NOA1: variants seen among roughly 807,000 people sequenced by gnomAD.
NOA1 encodes the protein nitric oxide-associated protein 1.
NOA1 carries 35 observed loss-of-function variants against 58.4 expected under a neutral mutation model. That is an observed-to-expected ratio of 0.60 (90% CI 0.46 to 0.79). NOA1 has a LOEUF of 0.79. Ranked by LOEUF, NOA1 falls within the 30% of genes least tolerant of loss-of-function variation. The pLI is 0.00. For synonymous variants in NOA1, 397 were observed against 373.4 expected (o/e 1.06, Z -0.73); for missense variants, 895 against 894.6 (o/e 1.00, Z -0.01).
rs1300943634 is a variant in NOA1 at position 56,971,341 on chromosome 4, A to T, written c.1515+1807T>A. On this transcript the variant is annotated intron_variant, in intron 3 of 6. Coordinates refer to ENST00000264230, the MANE Select transcript of NOA1 (RefSeq NM_032313.4). ...AAAAAAAAAAAAAAAAAAAAAAAAA[A>T]GTATGGTGGGGGAAGAATTAGTTCA... Among the ~76,000 whole-genome samples, 13 of 142,842 alleles carry T rather than the reference A, an allele frequency of 9.1e-5. No individual in the cohort carries two copies. In the East Asian group the frequency reaches 2.3e-3, roughly 25 times the overall value. The allele number at this position is 142,842 out of a possible 152,430, so 93.7% of individuals were successfully genotyped here. A position where few individuals can be genotyped will look rare whatever the true frequency, so the allele number is the denominator to read the frequency against.
At chr4:56,968,356 A>C (rs375465114) in intron 4 of NOA1, 28 bp downstream of exon 4, 35 of 1,594,468 alleles carry the variant, frequency 2.2e-5, no homozygotes, top group Non-Finnish European at 2.9e-5. Context: ...TTTTAAAATC[A>C]TTTTTTAATA....
At chr4:56,967,960 C>T (rs1451157222) in intron 4 of NOA1, among the ~76,000 whole-genome samples, 1 of 151,328 alleles carries the variant, frequency 6.6e-6, no homozygotes, top group Admixed American at 6.6e-5. Context: ...CCCCATCACC[C>T]AGGCTGGAGT....
At chr4:56,964,595 A>G in intron 5 of NOA1, 69 bp from the exon 6 acceptor site, 1 of 1,499,044 alleles carries the variant, frequency 6.7e-7, no homozygotes, top group South Asian at 1.2e-5. Context: ...TAAGCAAATC[A>G]CTGATAAGAT....
intron 3 of NOA1, among the ~76,000 whole-genome samples, chr4:56,971,315 CAAAAAAAAAAAA>C (rs35120609): frequency 3.8e-5 from 2 of 53,270 alleles, no homozygotes; most frequent in South Asian, 9.2e-4. Context: ...GACTCCATCT[CAAAAAAAAAAAA>C]AAAAAAAAAA....
chr4:56,970,239 T>C (rs1243126556), intron 3 of NOA1, among the ~76,000 whole-genome samples: 1 of 151,806 alleles, frequency 6.6e-6, no homozygotes, highest in Admixed American at 6.6e-5. Flanking sequence ...GAAGTTACAG[T>C]GGGCCAAGAT....
At chr4:56,967,108 G>A (rs746329512) in intron 4 of NOA1, among the ~76,000 whole-genome samples, 4 of 152,128 alleles carry the variant, frequency 2.6e-5, no homozygotes, top group African/African-American at 4.8e-5. Context: ...CAAGCCTGGT[G>A]TGGTGGCTCA....
intron 3 of NOA1, among the ~76,000 whole-genome samples, chr4:56,972,541 T>C (rs1107675): frequency 0.16 from 23,816 of 152,050 alleles, 2,160 homozygotes; most frequent in Admixed American, 0.25. Context: ...CTCAGTACAC[T>C]CAATACAAAG....
At position 56,964,413 on chromosome 4, in the gene NOA1, G is replaced by A; in HGVS notation, c.1878C>T (p.Ser626=). 1 of 1,613,982 alleles carries A rather than the reference G, an allele frequency of 6.2e-7. No individual in the cohort carries two copies. Residue 626 remains serine, a synonymous_variant, in exon 6 of 7, where the codon TCC becomes TCT. Transcript: ENST00000264230. ...TGCTTGGCATAAAATTACCTGCAGA[G>A]GAAAACTTGATGTCGGCCACTGCTT... ...ASEAVADIKF[S]SAGWVSVTPN... is the part of the protein sequence containing the mutation.
In NOA1 at chr4:56,964,387, G is replaced by C. The variant is rs1436821682; in HGVS notation, c.1885+19C>G. The C allele has an allele frequency of 6.2e-7, 1 of 1,613,684 alleles. No homozygotes were observed. Among genetic ancestry groups the C allele is most frequent in the Non-Finnish European group, 8.5e-7 (1 of 1,179,822 alleles). On this transcript the variant is annotated intron_variant, in intron 6 of 6. Coordinates refer to ENST00000264230, the MANE Select transcript of NOA1 (RefSeq NM_032313.4). Reference sequence around the variant, plus strand: ...TGCCCTTTTATTCACTTTTTAAAAAGTGCTTGGCATAAAATTACCTGCAGA... The same window carrying C: ...TGCCCTTTTATTCACTTTTTAAAAACTGCTTGGCATAAAATTACCTGCAGA...
chr4:56,972,165 C>T (rs767934019), intron 3 of NOA1, among the ~76,000 whole-genome samples: 12 of 152,188 alleles, frequency 7.9e-5, no homozygotes, highest in Non-Finnish European at 1.3e-4. Context: ...GGATTACAGG[C>T]GTGAGCCACT....
chr4:56,976,466 T>C lies in NOA1; in HGVS notation c.1120A>G (p.Arg374Gly), dbSNP rs371628599. ...CCTGGCCAAGGGGAGATGGTGGCTCTGTCGATGGCCTCGGAGCCCTTGGCA... is the reference window on the plus strand; with the variant it reads ...CCTGGCCAAGGGGAGATGGTGGCTCCGTCGATGGCCTCGGAGCCCTTGGCA... ...CTAKGSEAID[R>G]ATISPWPGTT... Residue 374 changes from arginine to glycine, a missense_variant, in exon 1 of 7, where the codon AGA becomes GGA. By Grantham distance (125) the Arg-to-Gly change is moderately radical. Around this residue, in one of 3 missense-constraint regions of NOA1, gnomAD observed 680 missense variants for 656.5 expected, o/e 1.04. Transcript: ENST00000264230. 3.1e-6 allele frequency: 5 copies of C among 1,613,464 alleles called. No individual in the cohort carries two copies. The highest frequency in any genetic ancestry group is 1.3e-5 in the African/African-American group (1 of 74,936).
intron 2 of NOA1, 144 bp downstream of exon 2, chr4:56,973,714 C>T (rs561736688): frequency 1.0e-4 from 80 of 778,876 alleles, no homozygotes; most frequent in Middle Eastern, 2.5e-4. Flanking sequence ...GTAGCCTTAT[C>T]GCTAAAGGGC....
In NOA1 at chr4:56,977,409, C is replaced by A; in HGVS notation, c.177G>T (p.Thr59=). ...TGTCACCACCTTCTCCAAAGCCCTCCGTGTCCACGGGGTCATAAGGAAGCT... is the reference window on the plus strand; with the variant it reads ...TGTCACCACCTTCTCCAAAGCCCTCAGTGTCCACGGGGTCATAAGGAAGCT... ...GRELPYDPVD[T]EGFGEGGDMQ... Residue 59 remains threonine (T), a synonymous_variant, in exon 1 of 7, where the codon ACG becomes ACT. Transcript: ENST00000264230. 3.7e-6 allele frequency: 6 copies of A among 1,614,198 alleles called. No homozygotes were observed. The highest frequency in any genetic ancestry group is 5.1e-6 in the Non-Finnish European group (6 of 1,180,042).
At position 56,964,423 on chromosome 4, in the gene NOA1, A is replaced by T. The variant is rs778492742; in HGVS notation, c.1868T>A (p.Ile623Asn). The T allele has an allele frequency of 6.8e-6, 11 of 1,613,946 alleles. No homozygotes were observed. The Admixed American group carries it at 1.0e-4, about 15-fold the overall frequency. The change falls in exon 6 of 7, where the codon ATC becomes AAC. Residue 623 changes from isoleucine (I) to asparagine (N), a missense_variant. Physicochemically the swap from Ile to Asn is moderately radical, Grantham distance 149. Transcript: ENST00000264230. ...AAAATTACCTGCAGAGGAAAACTTGATGTCGGCCACTGCTTCAGATGCCCC... is the reference window on the plus strand; with the variant it reads ...AAAATTACCTGCAGAGGAAAACTTGTTGTCGGCCACTGCTTCAGATGCCCC... ...GLGASEAVAD[I>N]KFSSAGWVSV...
chr4:56,964,453 CCTT>C lies in NOA1; in HGVS notation c.1835_1837del (p.Glu612del). 5 of 1,614,130 alleles carry C rather than the reference CCTT, an allele frequency of 3.1e-6. No homozygotes were observed. Among genetic ancestry groups the C allele is most frequent in the African/African-American group, 1.3e-5 (1 of 75,036 alleles). ...GGCCACTGCTTCAGATGCCCCCAGT[CCTT>C]CTTTTAACATAATGTCTTCAGCAAC... On this transcript the variant is annotated inframe_deletion, in exon 6 of 7. Coordinates refer to ENST00000264230, the MANE Select transcript of NOA1 (RefSeq NM_032313.4).
chr4:56,966,545 G>T (rs1361202578), intron 5 of NOA1, 75 bp downstream of exon 5: 9 of 850,238 alleles, frequency 1.1e-5, no homozygotes, highest in African/African-American at 1.7e-5. Context: ...TACAACAAAG[G>T]CTTTCTTAAC....
intron 5 of NOA1, among the ~76,000 whole-genome samples, chr4:56,965,933 C>T (rs559406129): frequency 2.0e-5 from 3 of 149,268 alleles, no homozygotes; most frequent in East Asian, 3.9e-4. Context: ...TACTCCTGGG[C>T]TCAAGTGGTC....
chr4:56,974,064 AGGGG>A, intron 1 of NOA1, 42 bp from the exon 2 acceptor site: 1 of 1,366,718 alleles, frequency 7.3e-7, no homozygotes, highest in Non-Finnish European at 1.0e-6. Flanking sequence ...AAAGGGAATA[AGGGG>A]GAAGAAAATG....
At chr4:56,969,926 G>A (rs1455376375) in intron 3 of NOA1, among the ~76,000 whole-genome samples, 4 of 149,872 alleles carry the variant, frequency 2.7e-5, no homozygotes, top group Admixed American at 1.4e-4. Context: ...GATTACAGAC[G>A]TGCGCCACCA....
Sources: allele counts gnomAD v4.1 joint callset (sites outside exome capture counted in the v4.1 genomes callset), GRCh38; gene constraint gnomAD v4.1.1; regional missense constraint gnomAD v4.1.1; transcripts MANE v1.5; gene names NCBI Gene and HGNC (gene_info 2026-07-23, HGNC 2026-07-21).